MAPRE1: variants seen among roughly 807,000 people sequenced by gnomAD.
MAPRE1 encodes the protein microtubule-associated protein RP/EB family member 1.
MAPRE1 carries 5 observed loss-of-function variants against 32.1 expected under a neutral mutation model. The ratio of observed to expected loss-of-function variants is 0.16; its 90% confidence interval spans 0.08 to 0.33. The LOEUF (loss-of-function observed/expected upper bound fraction) is 0.33, where lower values mean the gene tolerates loss of function less well. Ranked by LOEUF, MAPRE1 falls within the 10% of genes least tolerant of loss-of-function variation. The pLI, the probability that MAPRE1 is intolerant of heterozygous loss-of-function variation, is 1.00. For missense variants in MAPRE1, 209 were observed against 327.2 expected (o/e 0.64, Z 2.79); for synonymous variants, 122 against 118.9 (o/e 1.03, Z -0.17).
At chr20:32,823,725 CA>C (rs1022698946) in intron 1 of MAPRE1, among the ~76,000 whole-genome samples, 1 of 152,028 alleles carries the variant, frequency 6.6e-6, no homozygotes, top group Non-Finnish European at 1.5e-5. Flanking sequence ...CTGGTCTCTA[CA>C]AAAAATTAAA....
At chr20:32,819,794 C>T (rs1982627140), upstream of MAPRE1, 1 of 152,228 alleles carries the variant, frequency 6.6e-6, no homozygotes, top group Non-Finnish European at 1.5e-5. Context: ...GTCGGGGCCC[C>T]GCCCCTCGGC....
At chr20:32,847,255 G>A (rs1169153256) in intron 6 of MAPRE1, among the ~76,000 whole-genome samples, 2 of 152,156 alleles carry the variant, frequency 1.3e-5, no homozygotes, top group East Asian at 1.9e-4. Flanking sequence ...CTCCCTCAAA[G>A]TACTCTATGA....
At position 32,826,046 on chromosome 20, in the gene MAPRE1, C is replaced by T; in HGVS notation, c.119C>T (p.Ser40Leu). 1 of 1,591,690 alleles carries T rather than the reference C, an allele frequency of 6.3e-7. No individual in the cohort carries two copies. Among genetic ancestry groups the T allele is most frequent in the Non-Finnish European group, 8.6e-7 (1 of 1,162,814 alleles). Residue 40 changes from serine (S) to leucine (L), a missense_variant and splice_region_variant, in exon 2 of 7, where the codon TCA becomes TTA. Around this residue, in one of 3 missense-constraint regions of MAPRE1, gnomAD observed 67 missense variants for 140.0 expected, o/e 0.48. Transcript: ENST00000375571. ...LNLTKIEQLC[S>L]GAAYCQFMDM... Reference sequence around the variant, plus strand: ...CTGACAAAGATCGAACAGTTGTGCTCAGGTAAGAGAAATCTGCTGGATCAT... The same window carrying T: ...CTGACAAAGATCGAACAGTTGTGCTTAGGTAAGAGAAATCTGCTGGATCAT...
At chr20:32,843,854 T>C (rs1463065612) in intron 5 of MAPRE1, among the ~76,000 whole-genome samples, 1 of 152,020 alleles carries the variant, frequency 6.6e-6, no homozygotes, top group African/African-American at 2.4e-5. Context: ...TACAGGTTTT[T>C]TTTTTTTTTT....
intron 5 of MAPRE1, among the ~76,000 whole-genome samples, chr20:32,844,860 G>GC (rs1226892089): frequency 1.3e-5 from 2 of 152,226 alleles, no homozygotes; most frequent in Non-Finnish European, 2.9e-5. Context: ...TCGGCTCTTG[G>GC]CCTGTGTATC....
intron 5 of MAPRE1, among the ~76,000 whole-genome samples, chr20:32,840,973 G>A (rs931289008): frequency 1.3e-5 from 2 of 152,038 alleles, no homozygotes; most frequent in African/African-American, 2.4e-5. Flanking sequence ...GCGCCACCAC[G>A]CCTGGCTGAT....
In MAPRE1 at chr20:32,830,836, G is replaced by A. The variant is rs773917761; in HGVS notation, c.122-2881G>A. 3.8e-4 allele frequency among the ~76,000 whole-genome samples: 57 copies of A among 150,208 alleles called. 1 individual carries two copies. The highest frequency in any genetic ancestry group is 6.8e-4 in the Non-Finnish European group (46 of 67,810). On this transcript the variant is annotated intron_variant, in intron 2 of 6. Coordinates refer to ENST00000375571, the MANE Select transcript of MAPRE1 (RefSeq NM_012325.3). ...ACCTCCCAGGTTCTCACCATTCTCTGCCTCAGCCTCCCAAGTAGCTGGGAC... is the reference window on the plus strand; with the variant it reads ...ACCTCCCAGGTTCTCACCATTCTCTACCTCAGCCTCCCAAGTAGCTGGGAC...
chr20:32,826,214 CTT>C (rs3092521), intron 2 of MAPRE1, among the ~76,000 whole-genome samples, 166 bp downstream of exon 2: 10,988 of 108,776 alleles, frequency 0.1, 355 homozygotes, highest in African/African-American at 0.13. Flanking sequence ...TCCAAAGGAA[CTT>C]TTTTTTTTTT....
intron 2 of MAPRE1, 36 bp from the exon 3 acceptor site, chr20:32,833,681 T>A: frequency 6.3e-7 from 1 of 1,588,902 alleles, no homozygotes; most frequent in East Asian, 2.2e-5. Flanking sequence ...ACCCTGCTTC[T>A]TTAATTGTAT....
At chr20:32,841,185 A>T (rs1983350223) in intron 5 of MAPRE1, among the ~76,000 whole-genome samples, 1 of 152,166 alleles carries the variant, frequency 6.6e-6, no homozygotes, top group African/African-American at 2.4e-5. Flanking sequence ...TGTCCAGGTG[A>T]CTGGGTCACC....
Position 32,849,648 on chromosome 20 carries a change from C to G in MAPRE1, c.*920C>G, listed in dbSNP as rs562055122. The G allele has an allele frequency of 6.5e-6, 1 of 152,760 alleles. No homozygotes were observed. The highest frequency in any genetic ancestry group is 2.1e-4 in the South Asian group (1 of 4,830). 9.5% of individuals were successfully genotyped at this position (152,760 alleles called of 1,614,324 possible). A position where few individuals can be genotyped will look rare whatever the true frequency, so the allele number is the denominator to read the frequency against. On this transcript the variant is annotated 3_prime_UTR_variant, in exon 7 of 7. Coordinates refer to ENST00000375571, the MANE Select transcript of MAPRE1 (RefSeq NM_012325.3). ...TACCACGTTTCTCTTCTCTGCTCCC[C>G]TTGCCCACTGGGGACTCCTCTTTGG... is the stretch of plus-strand genomic sequence containing the variant.
chr20:32,824,076 C>A, intron 1 of MAPRE1, among the ~76,000 whole-genome samples: 1 of 152,164 alleles, frequency 6.6e-6, no homozygotes, highest in Admixed American at 6.5e-5. Flanking sequence ...TGACCACATT[C>A]CGTAAACCCC....
At chr20:32,833,520 A>G (rs1430688796) in intron 2 of MAPRE1, among the ~76,000 whole-genome samples, 197 bp from the exon 3 acceptor site, 2 of 152,180 alleles carry the variant, frequency 1.3e-5, no homozygotes, top group Non-Finnish European at 2.9e-5. Flanking sequence ...GGTTGCAAGT[A>G]TGTTGTAGAA....
chr20:32,838,085 G>GA (rs1246062301), intron 4 of MAPRE1, among the ~76,000 whole-genome samples: 7 of 151,870 alleles, frequency 4.6e-5, no homozygotes, highest in South Asian at 2.1e-4. Flanking sequence ...GCTGTCTCAA[G>GA]AAAAAAAATA....
At chr20:32,847,327 G>A (rs1445502500) in intron 6 of MAPRE1, among the ~76,000 whole-genome samples, 1 of 152,166 alleles carries the variant, frequency 6.6e-6, no homozygotes. Context: ...ATCACGACAT[G>A]TTAGTTGATC....
rs1436792065 is a variant in MAPRE1 at position 32,839,810 on chromosome 20, C to T, written c.551C>T (p.Pro184Leu). The change falls in exon 5 of 7, where the codon CCT (proline) becomes CTT (leucine). Residue 184 changes from proline (P) to leucine (L), a missense_variant. Physicochemically the swap from Pro to Leu is moderately conservative, Grantham distance 98 (BLOSUM62 -3). Around this residue, in one of 3 missense-constraint regions of MAPRE1, gnomAD observed 106 missense variants for 115.3 expected, o/e 0.92. Transcript: ENST00000375571. The part of the protein sequence containing the change: ...KAGPGVVRKN[P>L]GVGNGDDEAA... ...GGCCCTGGTGTGGTGCGAAAGAACCCTGGTGTGGGCAACGGAGACGACGAG... is the reference window on the plus strand; with the variant it reads ...GGCCCTGGTGTGGTGCGAAAGAACCTTGGTGTGGGCAACGGAGACGACGAG... 6.2e-7 allele frequency: 1 copy of T among 1,614,212 alleles called. No homozygotes were observed. Among genetic ancestry groups the T allele is most frequent in the South Asian group, 1.1e-5 (1 of 91,082 alleles).
chr20:32,827,071 A>C (rs6119982), intron 2 of MAPRE1, among the ~76,000 whole-genome samples: 2,363 of 152,240 alleles, frequency 0.016, 54 homozygotes, highest in African/African-American at 0.054. Flanking sequence ...TTCAGCCACA[A>C]TTTTATGGAA....
At chr20:32,833,652 T>A in intron 2 of MAPRE1, 65 bp from the exon 3 acceptor site, 1 of 1,455,970 alleles carries the variant, frequency 6.9e-7, no homozygotes, top group East Asian at 2.3e-5. Context: ...TTGGTTTAAG[T>A]GGGTCTGGGA....
At chr20:32,829,036 T>C (rs1982945968) in intron 2 of MAPRE1, among the ~76,000 whole-genome samples, 1 of 151,818 alleles carries the variant, frequency 6.6e-6, no homozygotes, top group Non-Finnish European at 1.5e-5. Context: ...TTCTCCTGCC[T>C]CAGACTCCTG....
Sources: allele counts gnomAD v4.1 joint callset (sites outside exome capture counted in the v4.1 genomes callset), GRCh38; gene constraint gnomAD v4.1.1; regional missense constraint gnomAD v4.1.1; transcripts MANE v1.5; gene names NCBI Gene and HGNC (gene_info 2026-07-23, HGNC 2026-07-21).